Variants in TSG101 observed in about 807,000 individuals in gnomAD.
The protein encoded by TSG101 is tumor susceptibility 101.
TSG101 carries 19 observed loss-of-function variants against 48.5 expected under a neutral mutation model. The observed-to-expected ratio is 0.39, with a 90% CI of 0.27 to 0.58. TSG101 has a LOEUF of 0.58. TSG101 is among the 20% of genes least tolerant of loss of function. TSG101 has a pLI of 0.55. For synonymous variants in TSG101, 174 were observed against 169.4 expected, an observed-to-expected ratio of 1.03 and a Z score of -0.21; for missense variants, 365 against 484.4, an observed-to-expected ratio of 0.75 and a Z score of 2.31.
At chr11:18,499,262 A>T (rs1437127385) in intron 7 of TSG101, among the ~76,000 whole-genome samples, 1 of 133,510 alleles carries the variant, frequency 7.5e-6, no homozygotes, top group African/African-American at 2.8e-5. Context: ...TATTATATAT[A>T]TTTTATATAT....
chr11:18,496,236 G>A (rs961876266), intron 7 of TSG101, among the ~76,000 whole-genome samples: 3 of 152,050 alleles, frequency 2.0e-5, no homozygotes, highest in Non-Finnish European at 4.4e-5. Context: ...GGCCGAGGCA[G>A]GTGGATCACC....
At chr11:18,494,605 C>A (rs1849747570) in intron 7 of TSG101, among the ~76,000 whole-genome samples, 1 of 152,192 alleles carries the variant, frequency 6.6e-6, no homozygotes, top group Admixed American at 6.5e-5. Flanking sequence ...AAACTCTCAG[C>A]ATTTAAATTT....
intron 7 of TSG101, among the ~76,000 whole-genome samples, chr11:18,497,861 A>C (rs1423778395): frequency 6.6e-6 from 1 of 152,194 alleles, no homozygotes; most frequent in Non-Finnish European, 1.5e-5. Context: ...CTGGAACCTG[A>C]ATAGTGTGTA....
intron 8 of TSG101, among the ~76,000 whole-genome samples, chr11:18,482,815 C>T (rs1245262377): frequency 6.6e-6 from 1 of 152,192 alleles, no homozygotes; most frequent in Non-Finnish European, 1.5e-5. Context: ...CCTTTTAAGT[C>T]TGCTCCTAAG....
chr11:18,500,272 C>T (rs556803121), intron 7 of TSG101, among the ~76,000 whole-genome samples: 3 of 152,256 alleles, frequency 2.0e-5, no homozygotes, highest in East Asian at 3.9e-4. Context: ...AGTATGAATA[C>T]TGTTGCTATA....
chr11:18,493,259 T>C (rs898619165), intron 7 of TSG101, among the ~76,000 whole-genome samples: 3 of 152,170 alleles, frequency 2.0e-5, no homozygotes, highest in African/African-American at 4.8e-5. Context: ...TTTTCTAGTA[T>C]TAGGAAACCA....
chr11:18,483,589 T>C (rs1051991899), intron 8 of TSG101, among the ~76,000 whole-genome samples: 1 of 152,036 alleles, frequency 6.6e-6, no homozygotes, highest in Non-Finnish European at 1.5e-5. Flanking sequence ...AAACCTCTTT[T>C]TCTCTCAAGT....
At chr11:18,483,193 C>T (rs1007660980) in intron 8 of TSG101, among the ~76,000 whole-genome samples, 2 of 152,082 alleles carry the variant, frequency 1.3e-5, no homozygotes, top group African/African-American at 4.8e-5. Flanking sequence ...CTTGCCACCA[C>T]CATGTAAGAA....
At position 18,481,879 on chromosome 11, in the gene TSG101, G is replaced by C. The variant is rs763099765; in HGVS notation, c.844-10C>G. On this transcript the variant is annotated splice_polypyrimidine_tract_variant and intron_variant, in intron 8 of 9. Coordinates refer to ENST00000251968, the MANE Select transcript of TSG101 (RefSeq NM_006292.4). ...TTTTATCAACCTCGGCCTGAAAACA[G>C]AACAGTCCAAGCATTAATAACTGTA... The C allele has an allele frequency of 1.2e-6, 2 of 1,611,564 alleles. No homozygotes were observed. The highest frequency in any genetic ancestry group is 2.7e-5 in the African/African-American group (2 of 74,812).
chr11:18,506,364 A>C (rs1287196640), intron 6 of TSG101, among the ~76,000 whole-genome samples: 1 of 147,052 alleles, frequency 6.8e-6, no homozygotes, highest in Non-Finnish European at 1.5e-5. Context: ...GCCAAGGGGA[A>C]AAATATTTTA....
intron 2 of TSG101, among the ~76,000 whole-genome samples, chr11:18,518,273 G>A (rs1419176426): frequency 1.3e-5 from 2 of 152,186 alleles, no homozygotes; most frequent in Non-Finnish European, 2.9e-5. Flanking sequence ...ATGCAGAACT[G>A]ATTGCCCCTC....
intron 7 of TSG101, chr11:18,490,947 T>G (rs941562068): frequency 1.3e-4 from 44 of 328,714 alleles, no homozygotes; most frequent in African/African-American, 9.0e-4. Context: ...CAGCTCACTT[T>G]TATCCAGTCG....
chr11:18,494,788 A>T (rs1849750144), intron 7 of TSG101, among the ~76,000 whole-genome samples: 1 of 152,154 alleles, frequency 6.6e-6, no homozygotes. Flanking sequence ...TGGGTGCCAT[A>T]TCCTGAAAGT....
At chr11:18,519,799 A>C (rs1850239134) in intron 1 of TSG101, among the ~76,000 whole-genome samples, 196 bp from the exon 2 acceptor site, 1 of 152,198 alleles carries the variant, frequency 6.6e-6, no homozygotes, top group African/African-American at 2.4e-5. Context: ...TATAGTCTCA[A>C]GTCATGTTTT....
intron 7 of TSG101, among the ~76,000 whole-genome samples, chr11:18,493,279 A>G (rs1241205037): frequency 6.6e-6 from 1 of 152,166 alleles, no homozygotes; most frequent in Non-Finnish European, 1.5e-5. Context: ...AACACTCTAC[A>G]CTCAATGGAC....
At chr11:18,496,441 CAAAAA>C (rs1849778375) in intron 7 of TSG101, among the ~76,000 whole-genome samples, 1 of 94,392 alleles carries the variant, frequency 1.1e-5, no homozygotes, top group African/African-American at 3.5e-5. Flanking sequence ...AACTCTGTCT[CAAAAA>C]TAAAATAAAA....
chr11:18,526,742 G>A (rs1214442048), intron 1 of TSG101, 33 bp downstream of exon 1: 2 of 1,595,384 alleles, frequency 1.3e-6, no homozygotes, highest in Non-Finnish European at 1.7e-6. Context: ...AGCGGTGGGC[G>A]CGCCCTGGGA....
rs1383401304 is a variant in TSG101 at position 18,519,570 on chromosome 11, C to T, written c.76G>A (p.Val26Ile). ...TCTTTGTATAGAGTAATAACATTGA[C>T]AGTTTCACGTACAGTTAGGTCTCTG... is the stretch of plus-strand genomic sequence containing the variant. ...KYRDLTVRET[V>I]NVITLYKDLK... Residue 26 changes from valine to isoleucine, a missense_variant, in exon 2 of 10, where the codon GTC (valine) becomes ATC (isoleucine). Val to Ile is a conservative substitution (Grantham distance 29). Transcript: ENST00000251968. 1.9e-6 allele frequency: 3 copies of T among 1,612,906 alleles called. No homozygotes were observed. The highest frequency in any genetic ancestry group is 1.3e-5 in the African/African-American group (1 of 74,894).
chr11:18,516,082 C>T lies in TSG101; in HGVS notation c.193+17G>A. On this transcript the variant is annotated intron_variant, in intron 3 of 9. Coordinates refer to ENST00000251968, the MANE Select transcript of TSG101 (RefSeq NM_006292.4). Reference sequence around the variant, plus strand: ...ATTCAAAATGCATCTATGCTGGAAACCTAATAAGACATTTACCTCTATAAG... The same window carrying T: ...ATTCAAAATGCATCTATGCTGGAAATCTAATAAGACATTTACCTCTATAAG... 6.2e-7 allele frequency: 1 copy of T among 1,610,012 alleles called. No individual in the cohort carries two copies.
Sources: allele counts gnomAD v4.1 joint callset (sites outside exome capture counted in the v4.1 genomes callset), GRCh38; gene constraint gnomAD v4.1.1; transcripts MANE v1.5; gene names NCBI Gene and HGNC (gene_info 2026-07-23, HGNC 2026-07-21).